Variants in CPA6 observed in about 807,000 individuals in gnomAD.
CPA6 encodes the protein carboxypeptidase B.
CPA6 carries 58 observed loss-of-function variants against 63.3 expected under a neutral mutation model. The observed-to-expected ratio is 0.92, with a 90% CI of 0.74 to 1.14. The LOEUF (loss-of-function observed/expected upper bound fraction) is 1.14, where lower values mean the gene tolerates loss of function less well. Ranked by LOEUF, CPA6 falls within the 50% of genes most tolerant of loss-of-function variation. CPA6 has a pLI of 0.00. For missense variants in CPA6, 565 were observed against 526.6 expected, an observed-to-expected ratio of 1.07 and a Z score of -0.71; for synonymous variants, 185 against 179.0, an observed-to-expected ratio of 1.03 and a Z score of -0.27.
intron 8 of CPA6, among the ~76,000 whole-genome samples, chr8:67,475,823 T>TTTCC (rs1554666526): frequency 1.7e-3 from 77 of 45,916 alleles, no homozygotes; most frequent in African/African-American, 3.1e-3. Flanking sequence ...CTTTCCTTTC[T>TTTCC]TTTCTTTCTT....
intron 1 of CPA6, among the ~76,000 whole-genome samples, chr8:67,663,427 AAAC>A (rs1816160934): frequency 6.6e-6 from 1 of 152,088 alleles, no homozygotes; most frequent in Non-Finnish European, 1.5e-5. Flanking sequence ...TTACATAGTT[AAAC>A]ATGTGCCACG....
intron 1 of CPA6, among the ~76,000 whole-genome samples, chr8:67,722,744 G>A (rs1817525454): frequency 6.6e-6 from 1 of 152,004 alleles, no homozygotes; most frequent in South Asian, 2.1e-4. Flanking sequence ...ATCATGTGTT[G>A]GGAAGAAGAG....
chr8:67,494,425 C>G (rs1450690244), intron 6 of CPA6, among the ~76,000 whole-genome samples: 1 of 152,058 alleles, frequency 6.6e-6, no homozygotes, highest in African/African-American at 2.4e-5. Flanking sequence ...AAATTCATCC[C>G]AGCGATGTAG....
chr8:67,485,865 C>T (rs946128399), intron 6 of CPA6, among the ~76,000 whole-genome samples: 6 of 152,192 alleles, frequency 3.9e-5, no homozygotes, highest in African/African-American at 1.2e-4. Flanking sequence ...GATGGAATTG[C>T]ATTAATGCAC....
At chr8:67,458,048 C>T (rs1810715557) in intron 8 of CPA6, among the ~76,000 whole-genome samples, 1 of 152,140 alleles carries the variant, frequency 6.6e-6, no homozygotes, top group South Asian at 2.1e-4. Flanking sequence ...TGAACATCCA[C>T]ATACAAAAAA....
intron 6 of CPA6, 88 bp from the exon 7 acceptor site, chr8:67,484,877 T>C: frequency 3.0e-6 from 2 of 656,174 alleles, no homozygotes; most frequent in Non-Finnish European, 5.3e-6. Context: ...CCATGAGAAC[T>C]ACCAAATACG....
chr8:67,620,570 C>T (rs913824503), intron 2 of CPA6, among the ~76,000 whole-genome samples: 1 of 152,172 alleles, frequency 6.6e-6, no homozygotes, highest in African/African-American at 2.4e-5. Flanking sequence ...TAATTCTGTC[C>T]CATTAGCTCC....
chr8:67,674,382 G>A (rs1344577884), intron 1 of CPA6, among the ~76,000 whole-genome samples: 1 of 152,188 alleles, frequency 6.6e-6, no homozygotes, highest in Non-Finnish European at 1.5e-5. Flanking sequence ...TTTGTCAAAG[G>A]ACCACAACTG....
chr8:67,474,533 T>C (rs1811131961), intron 8 of CPA6, among the ~76,000 whole-genome samples: 1 of 152,164 alleles, frequency 6.6e-6, no homozygotes, highest in Non-Finnish European at 1.5e-5. Context: ...AGCTTTTATC[T>C]TTTTGGCCTC....
At chr8:67,741,351 T>C (rs919479391) in intron 1 of CPA6, among the ~76,000 whole-genome samples, 1 of 152,200 alleles carries the variant, frequency 6.6e-6, no homozygotes, top group African/African-American at 2.4e-5. Flanking sequence ...GGCAAGGACA[T>C]AGCAAGGATG....
Position 67,590,300 on chromosome 8 carries a change from T to C in CPA6, c.192+33876A>G, listed in dbSNP as rs1386795877. On this transcript the variant is annotated intron_variant, in intron 2 of 10. Transcript: ENST00000297770. ...AATCCAGTCTATCATTGTTGGACAT[T>C]TGGCTTGGTTCCAAGTCTTTGCTAT... is the stretch of plus-strand genomic sequence containing the variant. Among the ~76,000 whole-genome samples, 5 of 151,736 alleles carry C rather than the reference T, an allele frequency of 3.3e-5. No individual in the cohort carries two copies. In the South Asian group the frequency reaches 6.3e-4, roughly 19 times the overall value.
At chr8:67,496,562 T>TATATTTA (rs1319960262) in intron 6 of CPA6, among the ~76,000 whole-genome samples, 1 of 127,814 alleles carries the variant, frequency 7.8e-6, no homozygotes, top group African/African-American at 3.3e-5. Flanking sequence ...TATATATTTA[T>TATATTTA]TTTATTTTTT....
chr8:67,441,528 A>C (rs1164355193), intron 8 of CPA6, among the ~76,000 whole-genome samples: 2 of 152,228 alleles, frequency 1.3e-5, no homozygotes, highest in Non-Finnish European at 2.9e-5. Flanking sequence ...TAAATAGCTA[A>C]GAAAATCTTG....
intron 2 of CPA6, among the ~76,000 whole-genome samples, chr8:67,580,503 C>A (rs539788628): frequency 2.0e-5 from 3 of 152,112 alleles, no homozygotes; most frequent in Non-Finnish European, 4.4e-5. Context: ...AAAAAATAAT[C>A]AAAACTGGGT....
intron 8 of CPA6, among the ~76,000 whole-genome samples, chr8:67,464,776 C>T (rs975342351): frequency 6.6e-6 from 1 of 152,166 alleles, no homozygotes; most frequent in South Asian, 2.1e-4. Flanking sequence ...AGTCCTATCC[C>T]CATTGCTTAT....
At chr8:67,729,531 AG>A (rs1357004322) in intron 1 of CPA6, among the ~76,000 whole-genome samples, 1 of 152,182 alleles carries the variant, frequency 6.6e-6, no homozygotes, top group African/African-American at 2.4e-5. Context: ...CTTCCCCCAA[AG>A]AGAGTACAGC....
Position 67,733,846 on chromosome 8 carries a change from CTTTTT to C in CPA6, c.116+12163_116+12167del, listed in dbSNP as rs10696053. Among the ~76,000 whole-genome samples the C allele has an allele frequency of 5.5e-3, 518 of 94,928 alleles. 6 individuals carry two copies. The highest frequency in any genetic ancestry group is 0.019 in the African/African-American group (497 of 26,398). The allele number at this position is 94,928 out of a possible 152,430, so 62.3% of individuals were successfully genotyped here. On this transcript the variant is annotated intron_variant, in intron 1 of 10. Coordinates refer to ENST00000297770, the MANE Select transcript of CPA6 (RefSeq NM_020361.5). ...TAACTCGGGTCAAATGCTGCATCGT[CTTTTT>C]TTTTTTTTTTTTTTTTTGAGACAGG...
At chr8:67,694,807 A>G (rs2098875) in intron 1 of CPA6, among the ~76,000 whole-genome samples, 67,349 of 152,058 alleles carry the variant, frequency 0.44, 16,987 homozygotes, top group African/African-American at 0.7. Flanking sequence ...TAGTGAAGGA[A>G]AATCTTCCCA....
chr8:67,508,655 T>C (rs1811981416), intron 5 of CPA6, among the ~76,000 whole-genome samples: 1 of 152,032 alleles, frequency 6.6e-6, no homozygotes, highest in Non-Finnish European at 1.5e-5. Flanking sequence ...TTGCTGGCCT[T>C]GGAAAGAAGT....
Sources: allele counts gnomAD v4.1 joint callset (sites outside exome capture counted in the v4.1 genomes callset), GRCh38; gene constraint gnomAD v4.1.1; transcripts MANE v1.5; gene names NCBI Gene and HGNC (gene_info 2026-07-23, HGNC 2026-07-21).